FRMD5: variants seen among roughly 807,000 people sequenced by gnomAD.
FRMD5 encodes the protein FERM domain-containing protein 5.
FRMD5 carries 20 observed loss-of-function variants against 69.0 expected under a neutral mutation model. The ratio of observed to expected loss-of-function variants is 0.29; its 90% CI spans 0.20 to 0.42. FRMD5 has a LOEUF of 0.42. Among genes scored for constraint, FRMD5 ranks in the 10% least tolerant of loss-of-function variants. FRMD5 has a pLI of 1.00. For missense variants in FRMD5, 595 were observed against 708.6 expected, an observed-to-expected ratio of 0.84 and a Z score of 1.82; for synonymous variants, 271 against 260.1, an observed-to-expected ratio of 1.04 and a Z score of -0.40.
chr15:43,960,375 G>A (rs981863275), intron 1 of FRMD5, among the ~76,000 whole-genome samples: 3 of 151,692 alleles, frequency 2.0e-5, no homozygotes, highest in Non-Finnish European at 1.5e-5. Context: ...TCAGCCTCCC[G>A]AGTAGCTGGG....
At chr15:43,975,084 T>C (rs1333177755) in intron 1 of FRMD5, among the ~76,000 whole-genome samples, 3 of 152,194 alleles carry the variant, frequency 2.0e-5, no homozygotes, top group Non-Finnish European at 2.9e-5. Context: ...CCATGAGGAA[T>C]GAGAGCAGAT....
intron 1 of FRMD5, among the ~76,000 whole-genome samples, chr15:43,949,760 G>A (rs1252033484): frequency 1.3e-5 from 2 of 152,172 alleles, no homozygotes; most frequent in East Asian, 1.9e-4. Context: ...CATGCATTAG[G>A]AGTCCTAAAT....
In FRMD5 at chr15:43,880,037, G is replaced by A. The variant is rs1161673589; in HGVS notation, c.1135+3666C>T. ...AACCTCTCAGAGGGCAAGGGACAGA[G>A]GGGGCAGAGAACAATCCCAGAGGGT... On this transcript the variant is annotated intron_variant, in intron 13 of 13. Transcript: ENST00000417257. Among the ~76,000 whole-genome samples, 8 of 152,338 alleles carry A rather than the reference G, an allele frequency of 5.3e-5. No homozygotes were observed. The East Asian group carries it at 1.2e-3, about 22-fold the overall frequency.
intron 1 of FRMD5, among the ~76,000 whole-genome samples, chr15:44,121,023 A>C (rs961404445): frequency 6.6e-6 from 1 of 152,140 alleles, no homozygotes; most frequent in African/African-American, 2.4e-5. Context: ...CACAGGTAAA[A>C]TCAATCAGAA....
intron 1 of FRMD5, among the ~76,000 whole-genome samples, chr15:43,949,265 C>T (rs758668813): frequency 1.3e-5 from 2 of 152,202 alleles, no homozygotes; most frequent in Non-Finnish European, 2.9e-5. Flanking sequence ...TTACTCCTTC[C>T]CTTCCCCTCA....
At chr15:44,037,775 C>T (rs2140304099) in intron 1 of FRMD5, among the ~76,000 whole-genome samples, 1 of 151,986 alleles carries the variant, frequency 6.6e-6, no homozygotes, top group African/African-American at 2.4e-5. Flanking sequence ...TGCCCAGCAA[C>T]ATGTGTCTAT....
chr15:44,170,187 A>G (rs888738893), intron 1 of FRMD5, among the ~76,000 whole-genome samples: 5 of 152,082 alleles, frequency 3.3e-5, no homozygotes, highest in Non-Finnish European at 7.4e-5. Context: ...AGTGGCTGGG[A>G]CTACAGGAGA....
At chr15:44,041,133 C>T (rs143090371) in intron 1 of FRMD5, among the ~76,000 whole-genome samples, 1,936 of 150,392 alleles carry the variant, frequency 0.013, 34 homozygotes, top group African/African-American at 0.04. Context: ...GGGATCAATG[C>T]AACAAGAAGA....
intron 1 of FRMD5, among the ~76,000 whole-genome samples, chr15:43,999,376 T>C (rs1024332332): frequency 6.6e-6 from 1 of 152,206 alleles, no homozygotes; most frequent in African/African-American, 2.4e-5. Context: ...CCTTTAATTA[T>C]AAGTGTGCAG....
chr15:44,027,182 A>G (rs185001053), intron 1 of FRMD5, among the ~76,000 whole-genome samples: 70 of 152,314 alleles, frequency 4.6e-4, no homozygotes, highest in African/African-American at 1.6e-3. Flanking sequence ...TTACGTCCCT[A>G]TAACAATGTC....
intron 1 of FRMD5, among the ~76,000 whole-genome samples, chr15:44,042,194 A>C (rs1188333886): frequency 6.6e-6 from 1 of 152,232 alleles, no homozygotes; most frequent in Admixed American, 6.5e-5. Context: ...GAAATGGATA[A>C]ATTCCGGGAC....
intron 3 of FRMD5, 27 bp downstream of exon 3, chr15:43,919,740 T>C: frequency 6.2e-7 from 1 of 1,611,140 alleles, no homozygotes; most frequent in Non-Finnish European, 8.5e-7. Context: ...GGGGTGTGGC[T>C]TGAGTCTTTT....
intron 1 of FRMD5, among the ~76,000 whole-genome samples, chr15:44,067,727 C>T (rs1483568888): frequency 2.0e-5 from 3 of 152,060 alleles, no homozygotes; most frequent in African/African-American, 7.2e-5. Flanking sequence ...GGATTATTTC[C>T]AATATATAAA....
intron 1 of FRMD5, among the ~76,000 whole-genome samples, chr15:44,131,448 G>T (rs2077096312): frequency 6.6e-6 from 1 of 152,120 alleles, no homozygotes; most frequent in East Asian, 1.9e-4. Flanking sequence ...TACTCTGGGT[G>T]TATACTCAAA....
intron 1 of FRMD5, among the ~76,000 whole-genome samples, chr15:44,152,592 G>A (rs1004060531): frequency 2.6e-5 from 4 of 152,186 alleles, no homozygotes; most frequent in African/African-American, 9.7e-5. Context: ...TTGATTGTGA[G>A]CTAAGTTGCT....
intron 4 of FRMD5, among the ~76,000 whole-genome samples, chr15:43,911,855 G>A (rs978278687): frequency 6.6e-6 from 1 of 152,136 alleles, no homozygotes; most frequent in Non-Finnish European, 1.5e-5. Context: ...TCAACAGGAA[G>A]AGGGCTGTTG....
intron 1 of FRMD5, among the ~76,000 whole-genome samples, chr15:44,106,477 T>C (rs1410591851): frequency 6.6e-6 from 1 of 152,140 alleles, no homozygotes; most frequent in Admixed American, 6.5e-5. Flanking sequence ...TTCCCTGTCT[T>C]TGCTCCTGCT....
At chr15:44,000,421 T>G (rs1165323048) in intron 1 of FRMD5, among the ~76,000 whole-genome samples, 1 of 152,148 alleles carries the variant, frequency 6.6e-6, no homozygotes. Flanking sequence ...TTTGGATATA[T>G]GCCCAGAAGT....
At chr15:44,007,632 AAC>A (rs1890510748) in intron 1 of FRMD5, among the ~76,000 whole-genome samples, 1 of 138,862 alleles carries the variant, frequency 7.2e-6, no homozygotes, top group South Asian at 2.2e-4. Flanking sequence ...TTAATTAATT[AAC>A]TAATTTTTTT....
Sources: allele counts gnomAD v4.1 joint callset (sites outside exome capture counted in the v4.1 genomes callset), GRCh38; gene constraint gnomAD v4.1.1; transcripts MANE v1.5; gene names NCBI Gene and HGNC (gene_info 2026-07-23, HGNC 2026-07-21).